Variants in TRPC3 observed in about 807,000 individuals in gnomAD.
The protein encoded by TRPC3 is transient receptor potential cation channel subfamily C member 3, also known as short transient receptor potential channel 3.
TRPC3 carries 54 observed loss-of-function variants against 90.9 expected under a neutral mutation model. The ratio of observed to expected loss-of-function variants is 0.59; its 90% CI spans 0.48 to 0.75. TRPC3 has a LOEUF of 0.75. Among genes scored for constraint, TRPC3 ranks in the 30% least tolerant of loss-of-function variants. The pLI is 0.00. For synonymous variants in TRPC3, 424 were observed against 450.9 expected, an observed-to-expected ratio of 0.94 and a Z score of 0.75; for missense variants, 918 against 1,194.5, an observed-to-expected ratio of 0.77 and a Z score of 3.41.
chr4:121,920,629 A>G (rs1729469947), intron 3 of TRPC3, among the ~76,000 whole-genome samples: 1 of 152,198 alleles, frequency 6.6e-6, no homozygotes. Context: ...CAGCATTGAG[A>G]ATTGTAAATT....
Position 121,904,393 on chromosome 4 carries a change from T to C in TRPC3, c.2182A>G (p.Asn728Asp). The change falls in exon 8 of 12, where the codon AAT (asparagine) becomes GAT (aspartate). Residue 728 changes from asparagine to aspartate, a missense_variant. By Grantham distance (23) the Asn-to-Asp change is conservative (BLOSUM62 1). This residue lies in a region of TRPC3 where 147 missense variants were observed against 263.5 expected (regional missense o/e 0.56). Transcript: ENST00000379645. ...NIGYVLYGIY[N>D]VTMVVVLLNM... ...AGTAAAACGACCACCATAGTTACAT[T>C]GTATATTCCATAAAGAACGTATCCA... 1 of 1,606,224 alleles carries C rather than the reference T, an allele frequency of 6.2e-7. No individual in the cohort carries two copies. The highest frequency in any genetic ancestry group is 8.5e-7 in the Non-Finnish European group (1 of 1,178,046).
Position 121,876,964 on chromosome 4 carries a change from TTTAA to T in TRPC3, c.*2768_*2771del, listed in dbSNP as rs1178481212. On this transcript the variant is annotated 3_prime_UTR_variant, in exon 12 of 12. Coordinates refer to ENST00000379645, the MANE Select transcript of TRPC3 (RefSeq NM_001130698.2). ...AAGAGTCCTGGGGCTTTGACAATCC[TTTAA>T]TTAATGTTTTTTTCTATAAAGTTGT... Among the ~76,000 whole-genome samples the T allele has an allele frequency of 6.6e-6, 1 of 152,202 alleles. No homozygotes were observed. The highest frequency in any genetic ancestry group is 2.4e-5 in the African/African-American group (1 of 41,450).
intron 7 of TRPC3, among the ~76,000 whole-genome samples, chr4:121,906,615 G>A (rs1728892450): frequency 6.6e-6 from 1 of 152,046 alleles, no homozygotes; most frequent in South Asian, 2.1e-4. Flanking sequence ...TGGCATTATT[G>A]GGAACAAAGG....
chr4:121,919,515 C>G (rs1188988435), intron 3 of TRPC3, among the ~76,000 whole-genome samples: 1 of 152,192 alleles, frequency 6.6e-6, no homozygotes, highest in African/African-American at 2.4e-5. Context: ...TCTGTTATCT[C>G]TTGGTGCCTG....
intron 3 of TRPC3, among the ~76,000 whole-genome samples, chr4:121,921,426 G>T (rs1355885161): frequency 6.7e-6 from 1 of 149,224 alleles, no homozygotes; most frequent in East Asian, 2.0e-4. Flanking sequence ...GGAGGCTGAG[G>T]CAGGAGAATG....
chr4:121,930,411 C>A (rs1729865092), intron 2 of TRPC3, among the ~76,000 whole-genome samples: 2 of 152,058 alleles, frequency 1.3e-5, no homozygotes, highest in Admixed American at 6.6e-5. Context: ...TTTCCCCACC[C>A]CTGAAAGGTT....
intron 10 of TRPC3, among the ~76,000 whole-genome samples, chr4:121,887,229 T>A (rs1050241117): frequency 1.3e-5 from 2 of 152,234 alleles, no homozygotes; most frequent in Non-Finnish European, 2.9e-5. Context: ...CCATTTTATT[T>A]ATATTTCATT....
Position 121,951,761 on chromosome 4 carries a change from C to T in TRPC3, c.-81G>A. On this transcript the variant is annotated 5_prime_UTR_variant, in exon 1 of 12. Transcript: ENST00000379645. The surrounding 1 kb of genome is among the most constrained non-coding windows in gnomAD (Gnocchi z 4.4). ...GCGGCAGTGCAGTCTTCCCGCGGCGCCCCTTCACCACCTCCCGCGGCTTCC... is the reference window on the plus strand; with the variant it reads ...GCGGCAGTGCAGTCTTCCCGCGGCGTCCCTTCACCACCTCCCGCGGCTTCC... The T allele has an allele frequency of 1.7e-6, 2 of 1,171,912 alleles. No individual in the cohort carries two copies. Among genetic ancestry groups the T allele is most frequent in the Non-Finnish European group, 1.1e-6 (1 of 910,704 alleles). The allele number at this position is 1,171,912 out of a possible 1,614,324, so 72.6% of individuals were successfully genotyped here.
intron 10 of TRPC3, among the ~76,000 whole-genome samples, chr4:121,887,250 T>C (rs1015799401): frequency 1.1e-4 from 16 of 152,232 alleles, no homozygotes; most frequent in African/African-American, 3.6e-4. Context: ...GCATTTATAT[T>C]TATTTCTATT....
chr4:121,939,899 A>G (rs1730246795), intron 1 of TRPC3, among the ~76,000 whole-genome samples: 1 of 152,244 alleles, frequency 6.6e-6, no homozygotes, highest in Admixed American at 6.5e-5. Flanking sequence ...TTCCCCCTCC[A>G]GGGACACATA....
At position 121,951,931 on chromosome 4, in the gene TRPC3, G is replaced by T. The variant is rs1353270726; in HGVS notation, c.-251C>A. Among the ~76,000 whole-genome samples, 1 of 152,144 alleles carries T rather than the reference G, an allele frequency of 6.6e-6. No homozygotes were observed. Among genetic ancestry groups the T allele is most frequent in the South Asian group, 2.1e-4 (1 of 4,818 alleles). On this transcript the variant is annotated 5_prime_UTR_variant, in exon 1 of 12. It introduces an in-frame stop codon into an upstream open reading frame of the 5' UTR. Coordinates refer to ENST00000379645, the MANE Select transcript of TRPC3 (RefSeq NM_001130698.2). The surrounding 1 kb of genome is among the most constrained non-coding windows in gnomAD (Gnocchi z 4.4). ...CAGCTGCCGCGGCCGTGGCTGCGAC[G>T]AGGAAGCCCGGGGCCGAGCGGGGCT... is the stretch of plus-strand genomic sequence containing the variant.
rs1425314766 is a variant in TRPC3, at chr4:121,911,768, ATGT to A, written c.1558+106_1558+108del. 2.7e-6 allele frequency: 3 copies of A among 1,096,852 alleles called. No individual in the cohort carries two copies. In the East Asian group the frequency reaches 7.8e-5, roughly 29 times the overall value. The allele number at this position is 1,096,852 out of a possible 1,614,324, so 67.9% of individuals were successfully genotyped here. A position where few individuals can be genotyped will look rare whatever the true frequency, so the allele number is the denominator to read the frequency against. ...CTATTTAGCTTATCTTGCAACAGTGATGTTGTCACCATATAAGATATAATAACA... is the reference window on the plus strand; with the variant it reads ...CTATTTAGCTTATCTTGCAACAGTGATGTCACCATATAAGATATAATAACA... On this transcript the variant is annotated intron_variant, in intron 5 of 11. Transcript: ENST00000379645.
intron 10 of TRPC3, 67 bp from the exon 11 acceptor site, chr4:121,882,496 A>G: frequency 6.7e-7 from 1 of 1,483,758 alleles, no homozygotes; most frequent in Non-Finnish European, 9.2e-7. Context: ...CTATTTTCCA[A>G]AGAGGCTTAC....
chr4:121,880,442 G>C (rs1344479330), intron 11 of TRPC3, among the ~76,000 whole-genome samples: 1 of 152,150 alleles, frequency 6.6e-6, no homozygotes, highest in African/African-American at 2.4e-5. Flanking sequence ...CCAGCACAAA[G>C]GACTAATGCG....
At chr4:121,910,941 T>C (rs976920896) in intron 5 of TRPC3, among the ~76,000 whole-genome samples, 2 of 152,134 alleles carry the variant, frequency 1.3e-5, no homozygotes, top group Admixed American at 1.3e-4. Flanking sequence ...AACCCTTAAG[T>C]GAGAGGTCCT....
intron 3 of TRPC3, among the ~76,000 whole-genome samples, chr4:121,923,256 C>T (rs1041013992): frequency 6.6e-6 from 1 of 152,182 alleles, no homozygotes; most frequent in South Asian, 2.1e-4. Context: ...CAGAATTGTT[C>T]TGTTTGGGCC....
intron 1 of TRPC3, among the ~76,000 whole-genome samples, chr4:121,947,574 T>C (rs1042700513): frequency 5.3e-5 from 8 of 152,196 alleles, no homozygotes; most frequent in African/African-American, 1.9e-4. Flanking sequence ...AGAAGATCTA[T>C]TATTGATTTG....
At position 121,931,765 on chromosome 4, in the gene TRPC3, A is replaced by T. The variant is rs547175623; in HGVS notation, c.987+506T>A. ...TACACAAATGCTTGGGCCAATGAAC[A>T]GTGCATCCAAAACTAACACTATCGT... On this transcript the variant is annotated intron_variant, in intron 2 of 11. Coordinates refer to ENST00000379645, the MANE Select transcript of TRPC3 (RefSeq NM_001130698.2). 2.0e-5 allele frequency among the ~76,000 whole-genome samples: 3 copies of T among 152,350 alleles called. No homozygotes were observed. In the South Asian group the frequency reaches 6.2e-4, roughly 32 times the overall value.
chr4:121,876,649 A>G lies in TRPC3; in HGVS notation c.*3087T>C, dbSNP rs912280079. ...CAAATTTGCTTTTAATAATCACAAC[A>G]TATCATTTTTGTTTTTATTGTGCAT... On this transcript the variant is annotated 3_prime_UTR_variant, in exon 12 of 12. Transcript: ENST00000379645. 2.0e-5 allele frequency among the ~76,000 whole-genome samples: 3 copies of G among 152,198 alleles called. No homozygotes were observed. Among genetic ancestry groups the G allele is most frequent in the African/African-American group, 7.2e-5 (3 of 41,450 alleles).
Sources: gnomAD v4.1 joint callset for allele counts (sites outside exome capture counted in the v4.1 genomes callset) on GRCh38, gnomAD v4.1.1 for gene constraint, gnomAD v4.1.1 regional missense constraint, Gnocchi (gnomAD v3.1) non-coding constraint, MANE v1.5 for transcripts, NCBI Gene and HGNC (gene_info 2026-07-23, HGNC 2026-07-21) for gene names.